The following PRKD1 variants were observed in gnomAD, a reference collection of about 807,000 sequenced individuals.
PRKD1 encodes serine/threonine-protein kinase D1.
In PRKD1, 63 loss-of-function variants were observed where a neutral mutation model predicts 95.9. That is an observed-to-expected ratio of 0.66 (90% CI 0.54 to 0.81). The LOEUF (loss-of-function observed/expected upper bound fraction) is 0.81. Ranked by LOEUF, PRKD1 falls within the 30% of genes least tolerant of loss-of-function variation. The pLI is 0.00. For synonymous variants in PRKD1, 425 were observed against 423.1 expected (o/e 1.00, Z -0.05); for missense variants, 1,048 against 1,165.3 (o/e 0.90, Z 1.47).
At chr14:29,837,588 G>C (rs1304526253) in intron 1 of PRKD1, among the ~76,000 whole-genome samples, 1 of 152,152 alleles carries the variant, frequency 6.6e-6, no homozygotes, top group Non-Finnish European at 1.5e-5. Context: ...TATTAAATGA[G>C]TATTTATAAT....
chr14:29,783,997 G>C (rs1010547729), intron 1 of PRKD1, among the ~76,000 whole-genome samples: 2 of 151,852 alleles, frequency 1.3e-5, no homozygotes, highest in Non-Finnish European at 2.9e-5. Context: ...GTCTACTTTT[G>C]TTTTTGTTGG....
chr14:29,859,618 A>T (rs1363742275), intron 1 of PRKD1, among the ~76,000 whole-genome samples: 1 of 152,128 alleles, frequency 6.6e-6, no homozygotes, highest in East Asian at 1.9e-4. Context: ...AAAAAAAAAA[A>T]AAAAATCTGA....
At chr14:29,779,769 C>A (rs1398052316) in intron 1 of PRKD1, among the ~76,000 whole-genome samples, 1 of 152,090 alleles carries the variant, frequency 6.6e-6, no homozygotes, top group Non-Finnish European at 1.5e-5. Flanking sequence ...ACTTTCTTCA[C>A]AGAATTGGAA....
intron 1 of PRKD1, among the ~76,000 whole-genome samples, chr14:29,910,230 C>T (rs1190352208): frequency 6.6e-6 from 1 of 152,042 alleles, no homozygotes; most frequent in Non-Finnish European, 1.5e-5. Flanking sequence ...TGAACAACTC[C>T]GGATGGGAGG....
At chr14:29,599,871 G>C in intron 13 of PRKD1, 54 bp from the exon 14 acceptor site, 1 of 1,512,076 alleles carries the variant, frequency 6.6e-7, no homozygotes. Context: ...ATACTGTTTG[G>C]CAAGCTCGCT....
intron 13 of PRKD1, among the ~76,000 whole-genome samples, chr14:29,620,385 G>A (rs1228169377): frequency 2.7e-5 from 4 of 149,486 alleles, no homozygotes; most frequent in Non-Finnish European, 6.0e-5. Context: ...AGAGTGAACA[G>A]GCAACCTACA....
intron 1 of PRKD1, among the ~76,000 whole-genome samples, chr14:29,849,580 A>C (rs575299081): frequency 0.023 from 2,715 of 119,076 alleles, 35 homozygotes; most frequent in Middle Eastern, 0.036. Flanking sequence ...ACAACAACAA[A>C]AAAAAAACTA....
At chr14:29,602,913 T>C (rs1893574667) in intron 13 of PRKD1, among the ~76,000 whole-genome samples, 1 of 152,226 alleles carries the variant, frequency 6.6e-6, no homozygotes, top group Non-Finnish European at 1.5e-5. Flanking sequence ...ACAGTGTTCA[T>C]TGTCAACTAT....
At chr14:29,690,483 C>T (rs1212344336) in intron 2 of PRKD1, among the ~76,000 whole-genome samples, 1 of 152,148 alleles carries the variant, frequency 6.6e-6, no homozygotes, top group African/African-American at 2.4e-5. Context: ...GTACCTAAAA[C>T]TCCTACTTTT....
At chr14:29,822,281 G>A (rs909053277) in intron 1 of PRKD1, among the ~76,000 whole-genome samples, 3 of 152,088 alleles carry the variant, frequency 2.0e-5, no homozygotes, top group Non-Finnish European at 2.9e-5. Context: ...AACAAATTAC[G>A]CAGAACGATT....
chr14:29,707,738 A>G (rs888612890), intron 2 of PRKD1, among the ~76,000 whole-genome samples: 1 of 152,122 alleles, frequency 6.6e-6, no homozygotes, highest in African/African-American at 2.4e-5. Context: ...CTGTTTGTAT[A>G]TGAAACTCAC....
intron 1 of PRKD1, among the ~76,000 whole-genome samples, chr14:29,736,241 A>G (rs1886707087): frequency 6.6e-6 from 1 of 152,228 alleles, no homozygotes; most frequent in African/African-American, 2.4e-5. Flanking sequence ...CTGGATAAAA[A>G]TATGCATATT....
intron 1 of PRKD1, among the ~76,000 whole-genome samples, chr14:29,762,205 A>G (rs763414510): frequency 6.6e-6 from 1 of 152,138 alleles, no homozygotes; most frequent in South Asian, 2.1e-4. Flanking sequence ...TAATCAGGAC[A>G]CTATGTGTGT....
chr14:29,700,691 C>T (rs1037643816), intron 2 of PRKD1, among the ~76,000 whole-genome samples: 9 of 152,118 alleles, frequency 5.9e-5, no homozygotes, highest in South Asian at 2.1e-4. Context: ...GATGAGATTC[C>T]GGTAGACTTT....
chr14:29,580,955 G>A (rs1158321435), intron 16 of PRKD1, among the ~76,000 whole-genome samples: 1 of 151,520 alleles, frequency 6.6e-6, no homozygotes, highest in Admixed American at 6.6e-5. Flanking sequence ...AAAGGCACAT[G>A]CATGCCCCTC....
chr14:29,636,615 G>GTTTATTT (rs1163192649), intron 6 of PRKD1, 121 bp from the exon 7 acceptor site: 1 of 950,606 alleles, frequency 1.1e-6, no homozygotes, highest in Non-Finnish European at 1.5e-6. Context: ...TCTGTGATGA[G>GTTTATTT]TTTATTTTTT....
At chr14:29,863,809 T>C (rs1892791341) in intron 1 of PRKD1, among the ~76,000 whole-genome samples, 1 of 152,142 alleles carries the variant, frequency 6.6e-6, no homozygotes, top group South Asian at 2.1e-4. Flanking sequence ...AACTGTGTCA[T>C]GAAATACACA....
rs551634575 is a variant in PRKD1, at chr14:29,609,016, A to T, written c.1906-9199T>A. Reference sequence around the variant, plus strand: ...GACTTCAACAAGACCAAATAGAACAATCCACCCTCTTGTGAACAGGTGTCA... The same window carrying T: ...GACTTCAACAAGACCAAATAGAACATTCCACCCTCTTGTGAACAGGTGTCA... On this transcript the variant is annotated intron_variant, in intron 13 of 17. Transcript: ENST00000331968. Among the ~76,000 whole-genome samples, 116 of 152,298 alleles carry T rather than the reference A, an allele frequency of 7.6e-4. 1 individual carries two copies. In the South Asian group the frequency reaches 0.024, roughly 31 times the overall value.
intron 8 of PRKD1, among the ~76,000 whole-genome samples, chr14:29,634,043 AAG>A (rs1478854399): frequency 2.6e-5 from 4 of 152,246 alleles, no homozygotes; most frequent in African/African-American, 9.6e-5. Flanking sequence ...TACGAAGTAT[AAG>A]ATAGTTATCA....
Sources: allele counts gnomAD v4.1 joint callset (sites outside exome capture counted in the v4.1 genomes callset), GRCh38; gene constraint gnomAD v4.1.1; transcripts MANE v1.5; gene names NCBI Gene and HGNC (gene_info 2026-07-23, HGNC 2026-07-21).